Variants in DIAPH3 observed in about 807,000 individuals in gnomAD.
DIAPH3 encodes the protein diaphanous related formin 3, also known as protein diaphanous homolog 3.
DIAPH3 carries 117 observed loss-of-function variants against 144.3 expected under a neutral mutation model. The observed-to-expected ratio is 0.81, with a 90% CI of 0.70 to 0.95. The LOEUF is 0.95. DIAPH3 is among the 40% of genes least tolerant of loss of function. The probability of loss-of-function intolerance (pLI) is 0.00; values close to 1 mark genes in which losing one functional copy is unlikely to be tolerated. For synonymous variants in DIAPH3, 519 were observed against 488.9 expected (o/e 1.06, Z -0.81); for missense variants, 1,421 against 1,412.7 (o/e 1.01, Z -0.09).
At chr13:60,104,618 A>G (rs1337361592) in intron 3 of DIAPH3, among the ~76,000 whole-genome samples, 1 of 152,110 alleles carries the variant, frequency 6.6e-6, no homozygotes, top group East Asian at 1.9e-4. Flanking sequence ...AGAAATTTAA[A>G]TATCACTTTT....
intron 2 of DIAPH3, among the ~76,000 whole-genome samples, chr13:60,131,363 G>T (rs1194251575): frequency 6.8e-6 from 1 of 147,446 alleles, no homozygotes; most frequent in African/African-American, 2.5e-5. Context: ...CTGAGCCCAG[G>T]AGGTCAAGAC....
chr13:60,013,632 G>A (rs2053432060), intron 7 of DIAPH3, among the ~76,000 whole-genome samples: 1 of 152,160 alleles, frequency 6.6e-6, no homozygotes, highest in Admixed American at 6.5e-5. Context: ...TCACTTTCAT[G>A]TAATGTTATC....
chr13:59,827,638 A>G (rs968082563), intron 24 of DIAPH3, among the ~76,000 whole-genome samples: 2 of 152,082 alleles, frequency 1.3e-5, no homozygotes, highest in African/African-American at 4.8e-5. Context: ...TAATGGATTA[A>G]TTAGTACAGG....
chr13:59,782,807 C>G (rs1476603234), intron 25 of DIAPH3, among the ~76,000 whole-genome samples: 1 of 152,096 alleles, frequency 6.6e-6, no homozygotes, highest in Non-Finnish European at 1.5e-5. Flanking sequence ...ACTTAAAGAA[C>G]CGATTTAAGA....
chr13:59,897,236 T>C (rs1382149227), intron 20 of DIAPH3, among the ~76,000 whole-genome samples: 1 of 152,098 alleles, frequency 6.6e-6, no homozygotes, highest in Non-Finnish European at 1.5e-5. Context: ...AAAAAGTAGA[T>C]ATAATTAATA....
At chr13:60,160,414 A>C (rs533311431) in intron 1 of DIAPH3, among the ~76,000 whole-genome samples, 2 of 152,346 alleles carry the variant, frequency 1.3e-5, no homozygotes, top group African/African-American at 4.8e-5. Context: ...ACCAATTTAC[A>C]GGCTCCCTTT....
intron 4 of DIAPH3, among the ~76,000 whole-genome samples, chr13:60,089,575 C>A (rs1431407377): frequency 6.6e-6 from 1 of 152,126 alleles, no homozygotes; most frequent in Non-Finnish European, 1.5e-5. Flanking sequence ...TTATTGGAAA[C>A]CATGGATCCT....
intron 20 of DIAPH3, among the ~76,000 whole-genome samples, chr13:59,887,531 T>G (rs1051867346): frequency 6.6e-6 from 1 of 152,092 alleles, no homozygotes. Context: ...GTTCTATTAT[T>G]GTTGTTGTCT....
intron 27 of DIAPH3, among the ~76,000 whole-genome samples, chr13:59,741,863 A>T (rs796823127): frequency 6.6e-6 from 1 of 152,160 alleles, no homozygotes; most frequent in Non-Finnish European, 1.5e-5. Flanking sequence ...ATGGTTCATG[A>T]CTGAGACCCC....
intron 24 of DIAPH3, among the ~76,000 whole-genome samples, chr13:59,825,479 T>C (rs549809964): frequency 6.6e-6 from 1 of 152,166 alleles, no homozygotes; most frequent in Non-Finnish European, 1.5e-5. Context: ...CTATTGTGAA[T>C]AGTGTACAAT....
intron 4 of DIAPH3, among the ~76,000 whole-genome samples, chr13:60,075,974 T>C (rs538516427): frequency 3.9e-5 from 6 of 152,350 alleles, no homozygotes; most frequent in Non-Finnish European, 5.9e-5. Context: ...ACTGTCCCTA[T>C]TGGGGGTCAC....
chr13:59,771,374 A>G (rs1389579641), intron 27 of DIAPH3, among the ~76,000 whole-genome samples: 2 of 152,160 alleles, frequency 1.3e-5, no homozygotes, highest in African/African-American at 2.4e-5. Flanking sequence ...ATTAACAAAA[A>G]TGTTTTAATA....
chr13:60,099,348 A>AT (rs1444244090), intron 3 of DIAPH3, among the ~76,000 whole-genome samples: 1 of 152,212 alleles, frequency 6.6e-6, no homozygotes, highest in Non-Finnish European at 1.5e-5. Context: ...CACAAATGCT[A>AT]TTTTATAATA....
chr13:59,826,913 C>G (rs1029527453), intron 24 of DIAPH3, among the ~76,000 whole-genome samples: 109 of 151,716 alleles, frequency 7.2e-4, no homozygotes, highest in African/African-American at 1.5e-3. Flanking sequence ...ACAAACCTGA[C>G]AAAAACAAGC....
intron 27 of DIAPH3, among the ~76,000 whole-genome samples, chr13:59,751,058 T>C (rs1812291685): frequency 2.0e-5 from 3 of 152,262 alleles, no homozygotes. Flanking sequence ...TTGGGGGCAC[T>C]GCGTGCTGTT....
At chr13:60,095,792 C>G (rs1279382535) in intron 3 of DIAPH3, among the ~76,000 whole-genome samples, 3 of 152,112 alleles carry the variant, frequency 2.0e-5, no homozygotes, top group African/African-American at 7.2e-5. Context: ...TTCCAAGAAT[C>G]AAACTATTCT....
intron 25 of DIAPH3, among the ~76,000 whole-genome samples, chr13:59,803,788 G>T (rs1426546102): frequency 2.0e-5 from 3 of 152,150 alleles, no homozygotes; most frequent in African/African-American, 7.2e-5. Flanking sequence ...TCCAGTGAAA[G>T]AGATGCCTGC....
At chr13:60,063,978 G>T (rs2056865940) in intron 4 of DIAPH3, among the ~76,000 whole-genome samples, 1 of 152,044 alleles carries the variant, frequency 6.6e-6, no homozygotes, top group Non-Finnish European at 1.5e-5. Flanking sequence ...AGAACTCTTG[G>T]ATGACTAAAT....
intron 21 of DIAPH3, among the ~76,000 whole-genome samples, chr13:59,870,690 G>A (rs1478175891): frequency 2.8e-5 from 4 of 143,812 alleles, no homozygotes; most frequent in Non-Finnish European, 6.0e-5. Context: ...TTAAATTTGA[G>A]ATGGAGTTTC....
Sources: allele counts gnomAD v4.1 joint callset (sites outside exome capture counted in the v4.1 genomes callset), GRCh38; gene constraint gnomAD v4.1.1; transcripts MANE v1.5; gene names NCBI Gene and HGNC (gene_info 2026-07-23, HGNC 2026-07-21).